Variants in GALNT13 observed in about 807,000 individuals in gnomAD.
The protein encoded by GALNT13 is UDP-GalNAc:polypeptide N-acetylgalactosaminyltransferase 13.
Under a neutral mutation model 64.2 loss-of-function variants are expected in GALNT13, and 28 were observed. The observed-to-expected ratio is 0.44, with a 90% CI of 0.32 to 0.60. The LOEUF (loss-of-function observed/expected upper bound fraction) is 0.60. Among genes scored for constraint, GALNT13 ranks in the 20% least tolerant of loss-of-function variants. The pLI, the probability that GALNT13 is intolerant of heterozygous loss-of-function variation, is 0.05. For synonymous variants in GALNT13, 214 were observed against 224.6 expected, an observed-to-expected ratio of 0.95 and a Z score of 0.42; for missense variants, 577 against 669.8, an observed-to-expected ratio of 0.86 and a Z score of 1.53.
At chr2:154,269,896 A>C (rs1227726818) in intron 8 of GALNT13, among the ~76,000 whole-genome samples, 2 of 96,022 alleles carry the variant, frequency 2.1e-5, no homozygotes, top group South Asian at 7.3e-4. Flanking sequence ...ATATATATTT[A>C]TATATATGTG....
At chr2:154,110,827 C>T (rs1230981002) in intron 3 of GALNT13, among the ~76,000 whole-genome samples, 5 of 152,128 alleles carry the variant, frequency 3.3e-5, no homozygotes, top group African/African-American at 1.2e-4. Flanking sequence ...AACTCATACA[C>T]ATCTCCTGAG....
chr2:154,121,239 T>C (rs1681923544), intron 3 of GALNT13, among the ~76,000 whole-genome samples: 1 of 152,210 alleles, frequency 6.6e-6, no homozygotes, highest in Non-Finnish European at 1.5e-5. Context: ...TTGTGGTCTG[T>C]GGAAAGTTGC....
intron 3 of GALNT13, among the ~76,000 whole-genome samples, chr2:153,989,904 A>G (rs988565932): frequency 6.6e-6 from 1 of 152,012 alleles, no homozygotes; most frequent in African/African-American, 2.4e-5. Context: ...AATAGAATTA[A>G]CTCCAGTATG....
At chr2:153,467,334 C>G in the GALNT13 span, among the ~76,000 whole-genome samples, 1 of 152,014 alleles carries the variant, frequency 6.6e-6, no homozygotes, top group African/African-American at 2.4e-5. Context: ...CCAAAATGAT[C>G]AATTTTTCTG....
intron 10 of GALNT13, among the ~76,000 whole-genome samples, chr2:154,408,628 A>G (rs138591102): frequency 6.6e-6 from 1 of 152,144 alleles, no homozygotes; most frequent in African/African-American, 2.4e-5. Context: ...TGGTTATTTG[A>G]GTGGAATATG....
At chr2:154,257,081 A>G (rs1187203701) in intron 7 of GALNT13, among the ~76,000 whole-genome samples, 1 of 152,162 alleles carries the variant, frequency 6.6e-6, no homozygotes, top group Non-Finnish European at 1.5e-5. Flanking sequence ...AACACAAAAA[A>G]AACTATCCAG....
chr2:154,446,883 G>T, intron 12 of GALNT13: 1 of 1,009,184 alleles, frequency 9.9e-7, no homozygotes. Flanking sequence ...TTTCTCCATG[G>T]AGTTAACTCT....
At chr2:153,169,420 T>C in the GALNT13 span, among the ~76,000 whole-genome samples, 14 of 152,164 alleles carry the variant, frequency 9.2e-5, no homozygotes, top group African/African-American at 3.1e-4. Flanking sequence ...GACTGAGGCT[T>C]GATTGAAATA....
intron 3 of GALNT13, among the ~76,000 whole-genome samples, chr2:154,029,107 C>T (rs564073106): frequency 6.6e-6 from 1 of 151,276 alleles, no homozygotes; most frequent in Admixed American, 6.6e-5. Context: ...GGAATTTGCA[C>T]TGCAGTCTTT....
chr2:153,105,029 T>TC, the GALNT13 span, among the ~76,000 whole-genome samples: 3 of 83,548 alleles, frequency 3.6e-5, no homozygotes, highest in Admixed American at 3.2e-4. Flanking sequence ...ATGCTATCCC[T>TC]CCCCCCTCCC....
chr2:154,310,660 T>A (rs1192276174), intron 9 of GALNT13, among the ~76,000 whole-genome samples: 2 of 152,104 alleles, frequency 1.3e-5, no homozygotes, highest in African/African-American at 4.8e-5. Context: ...ACAGAAACCC[T>A]CCTGTAACAA....
chr2:153,807,040 A>G, the GALNT13 span, among the ~76,000 whole-genome samples: 2 of 152,026 alleles, frequency 1.3e-5, no homozygotes, highest in Non-Finnish European at 1.5e-5. Flanking sequence ...GTAGCTGGCA[A>G]TGTTCTTTAT....
At chr2:153,170,473 T>G in the GALNT13 span, among the ~76,000 whole-genome samples, 1 of 152,230 alleles carries the variant, frequency 6.6e-6, no homozygotes, top group African/African-American at 2.4e-5. Context: ...TATGGATATG[T>G]AAACATGTGT....
At chr2:153,354,851 G>T in the GALNT13 span, among the ~76,000 whole-genome samples, 2 of 152,122 alleles carry the variant, frequency 1.3e-5, no homozygotes, top group Non-Finnish European at 2.9e-5. Flanking sequence ...ATTTCAAGAT[G>T]CCAAAAGGTT....
the GALNT13 span, among the ~76,000 whole-genome samples, chr2:153,719,458 C>G: frequency 6.6e-6 from 1 of 152,088 alleles, no homozygotes; most frequent in East Asian, 1.9e-4. Flanking sequence ...GGGGGAGGAG[C>G]CAAGATGGCC....
intron 4 of GALNT13, among the ~76,000 whole-genome samples, chr2:154,166,731 T>A (rs1208248356): frequency 6.6e-6 from 1 of 152,244 alleles, no homozygotes; most frequent in Non-Finnish European, 1.5e-5. Flanking sequence ...CCAACCCAGA[T>A]GTCCATCAGT....
the GALNT13 span, among the ~76,000 whole-genome samples, chr2:153,641,407 T>C: frequency 1.3e-5 from 2 of 152,240 alleles, no homozygotes; most frequent in Non-Finnish European, 2.9e-5. Flanking sequence ...TTTATTGGTT[T>C]ATAAAAATAT....
intron 3 of GALNT13, among the ~76,000 whole-genome samples, chr2:154,139,621 A>AACACACACAC (rs59526662): frequency 5.1e-4 from 75 of 147,534 alleles, no homozygotes; most frequent in Admixed American, 1.6e-3. Context: ...ATGTGTAGGC[A>AACACACACAC]ACACACACAC....
At chr2:154,346,932 G>A (rs74452524) in intron 9 of GALNT13, among the ~76,000 whole-genome samples, 1,625 of 152,120 alleles carry the variant, frequency 0.011, 31 homozygotes, top group African/African-American at 0.036. Context: ...GTAAACAACC[G>A]TGGGTTTCAT....
Sources: gnomAD v4.1 joint callset for allele counts (sites outside exome capture counted in the v4.1 genomes callset) on GRCh38, gnomAD v4.1.1 for gene constraint, MANE v1.5 for transcripts, NCBI Gene and HGNC (gene_info 2026-07-23, HGNC 2026-07-21) for gene names.